The following PRICKLE2 variants were observed in gnomAD, a reference collection of about 807,000 sequenced individuals.
PRICKLE2 encodes prickle planar cell polarity protein 2.
A neutral mutation model predicts 81.4 loss-of-function variants in PRICKLE2; 21 were observed. The observed-to-expected ratio is 0.26, with a 90% CI of 0.18 to 0.37. The LOEUF (loss-of-function observed/expected upper bound fraction) is 0.37. PRICKLE2 is among the 10% of genes least tolerant of loss of function. PRICKLE2 has a pLI of 1.00. For missense variants in PRICKLE2, 940 were observed against 1,109.0 expected, an observed-to-expected ratio of 0.85 and a Z score of 2.16; for synonymous variants, 456 against 421.5, an observed-to-expected ratio of 1.08 and a Z score of -1.00.
At chr3:64,208,610 C>T (rs2078731109) in intron 1 of PRICKLE2, among the ~76,000 whole-genome samples, 1 of 152,168 alleles carries the variant, frequency 6.6e-6, no homozygotes. Context: ...CTGAGGATGG[C>T]AGGTGAGGGG....
chr3:64,261,510 G>T (rs912952899), intron 2 of PRICKLE2, among the ~76,000 whole-genome samples: 11 of 152,164 alleles, frequency 7.2e-5, no homozygotes, highest in African/African-American at 2.7e-4. Context: ...TTGGAGAAAA[G>T]TTGGTAAGAT....
At chr3:64,144,231 G>A (rs933506778) in intron 7 of PRICKLE2, among the ~76,000 whole-genome samples, 1 of 152,198 alleles carries the variant, frequency 6.6e-6, no homozygotes, top group Non-Finnish European at 1.5e-5. Flanking sequence ...TAAGAGCAAG[G>A]TTCTGAAATC....
intron 2 of PRICKLE2, among the ~76,000 whole-genome samples, chr3:64,251,523 C>T (rs911256476): frequency 7.9e-5 from 12 of 152,116 alleles, no homozygotes; most frequent in African/African-American, 2.7e-4. Context: ...CTGATACAGC[C>T]GACTTTGACA....
chr3:64,176,922 GT>G (rs1304258760), intron 2 of PRICKLE2, among the ~76,000 whole-genome samples: 2 of 152,136 alleles, frequency 1.3e-5, no homozygotes, highest in Non-Finnish European at 2.9e-5. Context: ...GCGGGTTATA[GT>G]TTGCGTATAG....
intron 2 of PRICKLE2, among the ~76,000 whole-genome samples, chr3:64,246,680 G>T: frequency 6.6e-6 from 1 of 152,142 alleles, no homozygotes; most frequent in East Asian, 1.9e-4. Flanking sequence ...TCCAGGTGCT[G>T]GTAAAACTGA....
upstream of PRICKLE2, among the ~76,000 whole-genome samples, chr3:64,229,049 G>T (rs1291990832): frequency 6.6e-5 from 10 of 152,118 alleles, no homozygotes; most frequent in African/African-American, 4.8e-5. Flanking sequence ...GTAGAAAAAG[G>T]CTGCAAAAAT....
intron 2 of PRICKLE2, among the ~76,000 whole-genome samples, chr3:64,189,140 G>A (rs1297986641): frequency 3.3e-5 from 5 of 152,182 alleles, no homozygotes; most frequent in Admixed American, 6.5e-5. Flanking sequence ...GGTACGTGAC[G>A]CTGTCTGTAC....
intron 7 of PRICKLE2, among the ~76,000 whole-genome samples, chr3:64,128,572 C>A (rs1038096063): frequency 6.6e-6 from 1 of 151,840 alleles, no homozygotes; most frequent in Non-Finnish European, 1.5e-5. Flanking sequence ...AGAGTGAAAC[C>A]CCATCTCTAC....
At chr3:64,208,807 A>G (rs1464389026) in intron 1 of PRICKLE2, among the ~76,000 whole-genome samples, 1 of 152,258 alleles carries the variant, frequency 6.6e-6, no homozygotes, top group East Asian at 1.9e-4. Flanking sequence ...ACTGAAGTTA[A>G]GGACCTATGT....
intron 2 of PRICKLE2, among the ~76,000 whole-genome samples, chr3:64,166,398 AG>A (rs1432142195): frequency 1.3e-5 from 2 of 152,214 alleles, no homozygotes; most frequent in African/African-American, 4.8e-5. Flanking sequence ...GACTGAGTGA[AG>A]GTGCAGCCAG....
At position 64,164,807 on chromosome 3, in the gene PRICKLE2, GAGA is replaced by G. The variant is rs2077800595; in HGVS notation, c.145-1681_145-1679del. 7.2e-5 allele frequency among the ~76,000 whole-genome samples: 11 copies of G among 152,324 alleles called. No homozygotes were observed. The South Asian group carries it at 2.1e-3, about 29-fold the overall frequency. Reference sequence around the variant, plus strand: ...AGAGCCCACTGTTGACCAGTACTCTGAGAAGAAGTAAAAGCCCAGATCACTAGT... The same window carrying G: ...AGAGCCCACTGTTGACCAGTACTCTGAGAAGTAAAAGCCCAGATCACTAGT... On this transcript the variant is annotated intron_variant, in intron 2 of 7. Coordinates refer to ENST00000638394, the MANE Select transcript of PRICKLE2 (RefSeq NM_198859.4).
chr3:64,235,812 G>C (rs1160102823), intron 2 of PRICKLE2, among the ~76,000 whole-genome samples: 4 of 152,162 alleles, frequency 2.6e-5, no homozygotes, highest in African/African-American at 9.7e-5. Flanking sequence ...AGTCTTTGAG[G>C]CTGCCCCTCC....
At chr3:64,184,919 C>T (rs1247968843) in intron 2 of PRICKLE2, among the ~76,000 whole-genome samples, 2 of 152,120 alleles carry the variant, frequency 1.3e-5, no homozygotes, top group Non-Finnish European at 2.9e-5. Flanking sequence ...GTCATTTGAC[C>T]TTCTCTCTCA....
chr3:64,167,906 C>T (rs1244423853), intron 2 of PRICKLE2, among the ~76,000 whole-genome samples: 1 of 152,164 alleles, frequency 6.6e-6, no homozygotes, highest in Non-Finnish European at 1.5e-5. Flanking sequence ...AGGGAACACA[C>T]TTTGTGAGTT....
intron 2 of PRICKLE2, among the ~76,000 whole-genome samples, chr3:64,264,629 C>T (rs1322808359): frequency 5.3e-5 from 8 of 152,148 alleles, no homozygotes; most frequent in Non-Finnish European, 1.2e-4. Flanking sequence ...GTTTGCTTAT[C>T]CCCAGAAGCC....
At chr3:64,254,678 G>A (rs1203643050) in intron 2 of PRICKLE2, among the ~76,000 whole-genome samples, 2 of 152,214 alleles carry the variant, frequency 1.3e-5, no homozygotes, top group East Asian at 1.9e-4. Flanking sequence ...ATCACCTCTC[G>A]GAAGCTTTCT....
intron 1 of PRICKLE2, among the ~76,000 whole-genome samples, chr3:64,208,067 T>G (rs1195981962): frequency 6.6e-6 from 1 of 152,180 alleles, no homozygotes; most frequent in Non-Finnish European, 1.5e-5. Context: ...TCTTCTCAAG[T>G]GTACTGCCCT....
At chr3:64,236,208 A>T (rs771231081) in intron 2 of PRICKLE2, among the ~76,000 whole-genome samples, 11 of 152,164 alleles carry the variant, frequency 7.2e-5, no homozygotes, top group Admixed American at 1.3e-4. Context: ...GCATACTTAG[A>T]TCATGATATG....
intron 5 of PRICKLE2, among the ~76,000 whole-genome samples, chr3:64,156,930 G>C (rs1401370440): frequency 6.6e-6 from 1 of 152,180 alleles, no homozygotes; most frequent in Non-Finnish European, 1.5e-5. Flanking sequence ...CATGGATACA[G>C]AAACTGCCTT....
Sources: allele counts gnomAD v4.1 joint callset (sites outside exome capture counted in the v4.1 genomes callset), GRCh38; gene constraint gnomAD v4.1.1; transcripts MANE v1.5; gene names NCBI Gene and HGNC (gene_info 2026-07-23, HGNC 2026-07-21).